BRAF: variants seen among roughly 807,000 people sequenced by gnomAD.
The protein encoded by BRAF is serine/threonine-protein kinase B-raf.
A neutral mutation model predicts 104.6 loss-of-function variants in BRAF; 16 were observed. That is an observed-to-expected ratio of 0.15 (90% CI 0.10 to 0.23). The LOEUF (loss-of-function observed/expected upper bound fraction) is 0.23. BRAF is among the 10% of genes least tolerant of loss of function. The pLI is 1.00. For missense variants in BRAF, 541 were observed against 937.3 expected, an observed-to-expected ratio of 0.58 and a Z score of 5.52; for synonymous variants, 310 against 341.6, an observed-to-expected ratio of 0.91 and a Z score of 1.02.
rs1345246455 is a variant in BRAF, at chr7:140,723,836, A to G, written c.*2658T>C. 1.9e-6 allele frequency: 2 copies of G among 1,046,334 alleles called. No individual in the cohort carries two copies. The highest frequency in any genetic ancestry group is 1.1e-4 in the East Asian group (2 of 17,832). 64.8% of individuals were successfully genotyped at this position (1,046,334 alleles called of 1,614,324 possible). On this transcript the variant is annotated 3_prime_UTR_variant, in exon 20 of 20. Coordinates refer to ENST00000644969, the MANE Select transcript of BRAF (RefSeq NM_001374258.1). The stretch of plus-strand genomic sequence containing the variant: ...CAATTACTCATAAAGTGCTTTTCAC[A>G]AATAAGGACTTCTTCCTCGTTTTTT...
chr7:140,918,090 T>A (rs1237167175), intron 1 of BRAF, among the ~76,000 whole-genome samples: 2 of 152,238 alleles, frequency 1.3e-5, no homozygotes, highest in Admixed American at 1.3e-4. Context: ...AGAAGATTTA[T>A]GCCAGCACAA....
At chr7:140,851,313 T>C (rs374077217) in intron 1 of BRAF, among the ~76,000 whole-genome samples, 5 of 152,324 alleles carry the variant, frequency 3.3e-5, no homozygotes, top group African/African-American at 1.2e-4. Context: ...AATCTGCAGC[T>C]TTAAGGCTTG....
At chr7:140,920,867 A>G (rs1818143341) in intron 1 of BRAF, among the ~76,000 whole-genome samples, 1 of 152,236 alleles carries the variant, frequency 6.6e-6, no homozygotes, top group African/African-American at 2.4e-5. Flanking sequence ...CTGTGAATAT[A>G]TCTGTATAAG....
chr7:140,794,455 G>A lies in BRAF; in HGVS notation c.993C>T (p.Leu331=). 1 of 1,614,052 alleles carries A rather than the reference G, an allele frequency of 6.2e-7. No homozygotes were observed. Among genetic ancestry groups the A allele is most frequent in the Non-Finnish European group, 8.5e-7 (1 of 1,179,994 alleles). ...TGGATTTTGAAGGAGACGGACTGGT[G>A]AGAATTTGGGGCCTGGAAAAATGAA... ...PASDSIGPQI[L]TSPSPSKSIP... Residue 331 remains leucine, a synonymous_variant, in exon 8 of 20, where the codon CTC becomes CTT. Transcript: ENST00000644969.
At chr7:140,873,579 T>C (rs899576550) in intron 1 of BRAF, among the ~76,000 whole-genome samples, 1 of 152,160 alleles carries the variant, frequency 6.6e-6, no homozygotes, top group Non-Finnish European at 1.5e-5. Context: ...TGTGAGGGTG[T>C]TGACAATTGA....
At chr7:140,920,792 T>C (rs964640244) in intron 1 of BRAF, among the ~76,000 whole-genome samples, 2 of 152,138 alleles carry the variant, frequency 1.3e-5, no homozygotes, top group African/African-American at 4.8e-5. Context: ...GAAAAGAATA[T>C]AGAAAGTGAA....
At chr7:140,734,119 T>C (rs1301652796) in intron 19 of BRAF, 1 of 1,049,432 alleles carries the variant, frequency 9.5e-7, no homozygotes, top group Non-Finnish European at 1.2e-6. Flanking sequence ...AGAATAATAA[T>C]AGAATTATTA....
Position 140,830,747 on chromosome 7 carries a change from C to A in BRAF, c.504+3862G>T, listed in dbSNP as rs371926289. ...TCACTGAAATGCAATGTTCCTAGAG[C>A]TTCCAGGGTGCTGAACATTTGGAGG... is the stretch of plus-strand genomic sequence containing the variant. On this transcript the variant is annotated intron_variant, in intron 3 of 19. Coordinates refer to ENST00000644969, the MANE Select transcript of BRAF (RefSeq NM_001374258.1). Among the ~76,000 whole-genome samples the A allele has an allele frequency of 1.4e-4, 22 of 152,296 alleles. No homozygotes were observed. In the East Asian group the frequency reaches 3.7e-3, roughly 25 times the overall value.
intron 2 of BRAF, among the ~76,000 whole-genome samples, chr7:140,841,448 T>C (rs1274916543): frequency 1.3e-5 from 2 of 152,180 alleles, no homozygotes; most frequent in African/African-American, 4.8e-5. Flanking sequence ...TGAATGTTCA[T>C]GGTGGCATTA....
At chr7:140,860,001 T>G (rs1810233133) in intron 1 of BRAF, among the ~76,000 whole-genome samples, 1 of 152,212 alleles carries the variant, frequency 6.6e-6, no homozygotes, top group African/African-American at 2.4e-5. Flanking sequence ...TCTAAAATTT[T>G]TATGGAAGCA....
chr7:140,920,747 T>C (rs987171501), intron 1 of BRAF, among the ~76,000 whole-genome samples: 1 of 152,128 alleles, frequency 6.6e-6, no homozygotes, highest in Non-Finnish European at 1.5e-5. Flanking sequence ...AGTGAGTGGA[T>C]GCCTAAAGAA....
At chr7:140,732,267 G>A (rs1796043366) in intron 19 of BRAF, 2 of 101,200 alleles carry the variant, frequency 2.0e-5, no homozygotes, top group South Asian at 6.5e-4. Context: ...TAGGAAAAAA[G>A]CAGTCACAAA....
At chr7:140,716,609 C>T (rs1262090567), downstream of BRAF, among the ~76,000 whole-genome samples, 1 of 152,222 alleles carries the variant, frequency 6.6e-6, no homozygotes, top group East Asian at 1.9e-4. Flanking sequence ...ATCTGTTCCT[C>T]TCTTCCTGAT....
chr7:140,783,088 A>G lies in BRAF; in HGVS notation c.1367T>C (p.Leu456Ser), dbSNP rs780915629. The G allele has an allele frequency of 8.7e-6, 14 of 1,614,098 alleles. No individual in the cohort carries two copies. The highest frequency in any genetic ancestry group is 1.3e-5 in the African/African-American group (1 of 75,026). ...LPGSLTNVKA[L>S]QKSPGPQRER... ...TCGCTGAGGTCCTGGAGATTTCTGT[A>G]AGGCTTTCACGTTAGTTAGTGAGCC... is the stretch of plus-strand genomic sequence containing the variant. Residue 456 changes from leucine (L) to serine (S), a missense_variant, in exon 11 of 20, where the codon TTA (leucine) becomes TCA (serine). This residue lies in a region of BRAF where 109 missense variants were observed against 143.9 expected (regional missense o/e 0.76). Coordinates refer to ENST00000644969, the MANE Select transcript of BRAF (RefSeq NM_001374258.1).
In BRAF at chr7:140,723,865, G is replaced by A; in HGVS notation, c.*2629C>T. 1 of 1,046,434 alleles carries A rather than the reference G, an allele frequency of 9.6e-7. No individual in the cohort carries two copies. Among genetic ancestry groups the A allele is most frequent in the Non-Finnish European group, 1.2e-6 (1 of 867,542 alleles). The allele number at this position is 1,046,434 out of a possible 1,614,324, so 64.8% of individuals were successfully genotyped here. On this transcript the variant is annotated 3_prime_UTR_variant, in exon 20 of 20. Transcript: ENST00000644969. ...AAGGACTTCTTCCTCGTTTTTTTAG[G>A]AGCTCAGTAAGTCTAACTGTTGTCT...
chr7:140,729,668 C>T (rs1380021753), intron 19 of BRAF, among the ~76,000 whole-genome samples: 1 of 151,994 alleles, frequency 6.6e-6, no homozygotes, highest in African/African-American at 2.4e-5. Context: ...ATTCCAGCTA[C>T]TCAGGAGGCT....
At chr7:140,884,423 T>G (rs867145973) in intron 1 of BRAF, among the ~76,000 whole-genome samples, 53 of 136,206 alleles carry the variant, frequency 3.9e-4, no homozygotes, top group African/African-American at 1.1e-3. Flanking sequence ...TATATATATA[T>G]AAGATATGTG....
intron 17 of BRAF, chr7:140,740,317 T>G (rs903248229): frequency 4.8e-5 from 10 of 208,710 alleles, no homozygotes; most frequent in Non-Finnish European, 8.8e-5. Flanking sequence ...TGTTGGACGT[T>G]GTGTTAAGTC....
At chr7:140,894,975 A>G (rs548973459) in intron 1 of BRAF, among the ~76,000 whole-genome samples, 1 of 152,286 alleles carries the variant, frequency 6.6e-6, no homozygotes, top group East Asian at 1.9e-4. Flanking sequence ...AATCACAGAA[A>G]ACTCTAGAAA....
Sources: gnomAD v4.1 joint callset for allele counts (sites outside exome capture counted in the v4.1 genomes callset) on GRCh38, gnomAD v4.1.1 for gene constraint, gnomAD v4.1.1 regional missense constraint, MANE v1.5 for transcripts, NCBI Gene and HGNC (gene_info 2026-07-23, HGNC 2026-07-21) for gene names.